HS3ST3A1: variants seen among roughly 807,000 people sequenced by gnomAD.
HS3ST3A1 encodes heparan sulfate glucosamine 3-O-sulfotransferase 3A1.
HS3ST3A1 carries 19 observed loss-of-function variants against 25.7 expected under a neutral mutation model. That is an observed-to-expected ratio of 0.74 (90% CI 0.52 to 1.08). The LOEUF (loss-of-function observed/expected upper bound fraction) is 1.08. Among genes scored for constraint, HS3ST3A1 ranks in the 50% least tolerant of loss-of-function variants. The probability of loss-of-function intolerance (pLI) is 0.00; values close to 1 mark genes in which losing one functional copy is unlikely to be tolerated. For missense variants in HS3ST3A1, 459 were observed against 594.3 expected (o/e 0.77, Z 2.37); for synonymous variants, 226 against 278.6 (o/e 0.81, Z 1.88).
chr17:13,568,065 T>C (rs953136581), intron 1 of HS3ST3A1, among the ~76,000 whole-genome samples: 2 of 152,182 alleles, frequency 1.3e-5, no homozygotes, highest in African/African-American at 4.8e-5. Context: ...TTTTGCCTTA[T>C]TTTAAGAAAT....
At chr17:13,519,575 T>C (rs1906163613) in intron 1 of HS3ST3A1, among the ~76,000 whole-genome samples, 1 of 152,204 alleles carries the variant, frequency 6.6e-6, no homozygotes, top group South Asian at 2.1e-4. Flanking sequence ...ATGGTGATGA[T>C]AATTTGTTAA....
chr17:13,500,178 G>T (rs1427440620), intron 1 of HS3ST3A1, among the ~76,000 whole-genome samples: 1 of 152,080 alleles, frequency 6.6e-6, no homozygotes. Flanking sequence ...AAAACAAAAG[G>T]CAGGTGTATG....
At chr17:13,499,449 G>T (rs1354063681) in intron 1 of HS3ST3A1, among the ~76,000 whole-genome samples, 2 of 152,126 alleles carry the variant, frequency 1.3e-5, no homozygotes, top group African/African-American at 2.4e-5. Context: ...AGTATTTATA[G>T]ATTTTTTTTT....
chr17:13,501,086 G>A lies in HS3ST3A1; in HGVS notation c.600-4268C>T, dbSNP rs1053821334. Among the ~76,000 whole-genome samples, 3 of 152,160 alleles carry A rather than the reference G, an allele frequency of 2.0e-5. 1 individual carries two copies. Among genetic ancestry groups the A allele is most frequent in the South Asian group, 4.1e-4 (2 of 4,830 alleles). Reference sequence around the variant, plus strand: ...AATTCATTGAGACAGCAAGTAGAATGGTGGTTTCCAGGGGCTGTGGGGAAG... The same window carrying A: ...AATTCATTGAGACAGCAAGTAGAATAGTGGTTTCCAGGGGCTGTGGGGAAG... On this transcript the variant is annotated intron_variant, in intron 1 of 1. Transcript: ENST00000284110.
At chr17:13,566,443 A>G (rs1021076577) in intron 1 of HS3ST3A1, among the ~76,000 whole-genome samples, 2 of 152,154 alleles carry the variant, frequency 1.3e-5, no homozygotes, top group African/African-American at 4.8e-5. Flanking sequence ...GTCATTTAAT[A>G]TCCCTACAAC....
chr17:13,588,941 G>C (rs970259948), intron 1 of HS3ST3A1, among the ~76,000 whole-genome samples: 8 of 152,090 alleles, frequency 5.3e-5, no homozygotes, highest in Admixed American at 5.2e-4. Flanking sequence ...GGGATTACAG[G>C]CATGATATAT....
At chr17:13,588,514 G>T (rs1248277366) in intron 1 of HS3ST3A1, among the ~76,000 whole-genome samples, 1 of 152,000 alleles carries the variant, frequency 6.6e-6, no homozygotes, top group African/African-American at 2.4e-5. Context: ...TTTTCAAACT[G>T]TTTTTTTCTA....
intron 1 of HS3ST3A1, among the ~76,000 whole-genome samples, chr17:13,519,687 T>C (rs913916014): frequency 6.6e-6 from 1 of 152,194 alleles, no homozygotes; most frequent in Non-Finnish European, 1.5e-5. Flanking sequence ...AGTTATTTTA[T>C]AAGTAAGTGG....
chr17:13,592,711 T>C (rs1212370899), intron 1 of HS3ST3A1, among the ~76,000 whole-genome samples: 1 of 152,232 alleles, frequency 6.6e-6, no homozygotes, highest in East Asian at 1.9e-4. Context: ...AGTAAAAATG[T>C]AATGTGGATA....
rs184755719 is a variant in HS3ST3A1 at position 13,559,996 on chromosome 17, T to A, written c.599+40535A>T. On this transcript the variant is annotated intron_variant, in intron 1 of 1. Coordinates refer to ENST00000284110, the MANE Select transcript of HS3ST3A1 (RefSeq NM_006042.3). ...CAAAGTTACAGGAAAGGTACAATAG[T>A]AAGAGTGTATTGGCCGGGCGTGGTG... is the stretch of plus-strand genomic sequence containing the variant. 1.1e-3 allele frequency among the ~76,000 whole-genome samples: 168 copies of A among 151,934 alleles called. 1 individual carries two copies. Among genetic ancestry groups the A allele is most frequent in the Non-Finnish European group, 2.5e-4 (17 of 67,974 alleles).
intron 1 of HS3ST3A1, among the ~76,000 whole-genome samples, chr17:13,537,529 C>T (rs1425104666): frequency 6.6e-6 from 1 of 152,160 alleles, no homozygotes; most frequent in Non-Finnish European, 1.5e-5. Context: ...TTTCTCTCTG[C>T]TCCCTTCTAT....
At chr17:13,514,515 T>A (rs1485904692) in intron 1 of HS3ST3A1, among the ~76,000 whole-genome samples, 2 of 152,368 alleles carry the variant, frequency 1.3e-5, no homozygotes, top group Non-Finnish European at 2.9e-5. Context: ...TAAGTTGCTA[T>A]GTATCCTTCA....
chr17:13,581,807 T>G (rs1031217674), intron 1 of HS3ST3A1, among the ~76,000 whole-genome samples: 2 of 152,234 alleles, frequency 1.3e-5, no homozygotes, highest in Non-Finnish European at 2.9e-5. Context: ...TCATTTCCAA[T>G]GCTAATAATG....
chr17:13,585,671 A>G (rs1051722867), intron 1 of HS3ST3A1, among the ~76,000 whole-genome samples: 3 of 151,896 alleles, frequency 2.0e-5, no homozygotes, highest in Admixed American at 6.6e-5. Context: ...CTGCTCCTCT[A>G]CATACGTTCA....
intron 1 of HS3ST3A1, among the ~76,000 whole-genome samples, chr17:13,536,859 G>T (rs1356272280): frequency 1.3e-5 from 2 of 152,102 alleles, no homozygotes; most frequent in Non-Finnish European, 2.9e-5. Flanking sequence ...TTTTAACAAG[G>T]ATCCCTACAT....
chr17:13,554,800 C>T (rs983509938), intron 1 of HS3ST3A1, among the ~76,000 whole-genome samples: 29 of 152,122 alleles, frequency 1.9e-4, no homozygotes, highest in African/African-American at 6.5e-4. Flanking sequence ...TTAACAGATA[C>T]CACCTTCCTC....
chr17:13,587,471 A>C (rs1490941942), intron 1 of HS3ST3A1, among the ~76,000 whole-genome samples: 1 of 152,126 alleles, frequency 6.6e-6, no homozygotes, highest in East Asian at 1.9e-4. Context: ...AAATAATAAT[A>C]ATCTTCAAAA....
chr17:13,526,575 T>G (rs144898694), intron 1 of HS3ST3A1, among the ~76,000 whole-genome samples: 1 of 147,384 alleles, frequency 6.8e-6, no homozygotes, highest in Non-Finnish European at 1.5e-5. Flanking sequence ...TATATTCTCC[T>G]CACCTGAGGA....
At chr17:13,526,773 G>A (rs951451508) in intron 1 of HS3ST3A1, among the ~76,000 whole-genome samples, 3 of 151,624 alleles carry the variant, frequency 2.0e-5, no homozygotes, top group African/African-American at 4.8e-5. Flanking sequence ...TCAGCCTCCC[G>A]AGTAGCTGGG....
Sources: allele counts gnomAD v4.1 joint callset (sites outside exome capture counted in the v4.1 genomes callset), GRCh38; gene constraint gnomAD v4.1.1; transcripts MANE v1.5; gene names NCBI Gene and HGNC (gene_info 2026-07-23, HGNC 2026-07-21).